The following TMCC3 variants were observed in gnomAD, a reference collection of about 807,000 sequenced individuals.
TMCC3 encodes transmembrane and coiled-coil domain protein 3.
Under a neutral mutation model 40.2 loss-of-function variants are expected in TMCC3, and 28 were observed. The observed-to-expected ratio is 0.70, with a 90% CI of 0.52 to 0.95. The LOEUF (loss-of-function observed/expected upper bound fraction) is 0.95. Among genes scored for constraint, TMCC3 ranks in the 40% least tolerant of loss-of-function variants. The pLI, the probability that TMCC3 is intolerant of heterozygous loss-of-function variation, is 0.00. For missense variants in TMCC3, 554 were observed against 615.2 expected (o/e 0.90, Z 1.05); for synonymous variants, 255 against 248.5 (o/e 1.03, Z -0.25).
intron 1 of TMCC3, among the ~76,000 whole-genome samples, chr12:94,588,043 G>A (rs1232615577): frequency 2.6e-5 from 4 of 152,144 alleles, no homozygotes; most frequent in East Asian, 1.9e-4. Context: ...GGAAAAGCCT[G>A]AGTCCCGGAC....
chr12:94,584,300 C>T (rs1269338415), intron 1 of TMCC3, among the ~76,000 whole-genome samples: 1 of 152,126 alleles, frequency 6.6e-6, no homozygotes, highest in Non-Finnish European at 1.5e-5. Context: ...CAGGCATCCT[C>T]CTGCTTTCGC....
chr12:94,597,737 G>A (rs1210752532), intron 1 of TMCC3, among the ~76,000 whole-genome samples: 1 of 151,800 alleles, frequency 6.6e-6, no homozygotes, highest in Admixed American at 6.6e-5. Context: ...AACCTGGGAG[G>A]CGGAGGTTGC....
chr12:94,620,078 G>A (rs866453312), intron 1 of TMCC3, among the ~76,000 whole-genome samples: 4 of 151,796 alleles, frequency 2.6e-5, no homozygotes, highest in African/African-American at 4.8e-5. Flanking sequence ...CAGAAGAATC[G>A]CTTGAACCCG....
chr12:94,633,068 T>C (rs1431910082), intron 1 of TMCC3, among the ~76,000 whole-genome samples: 1 of 152,006 alleles, frequency 6.6e-6, no homozygotes, highest in Non-Finnish European at 1.5e-5. Flanking sequence ...ATTGCACCAT[T>C]GCACTGCAGC....
At chr12:94,621,494 C>T (rs1451136964) in intron 1 of TMCC3, among the ~76,000 whole-genome samples, 4 of 152,152 alleles carry the variant, frequency 2.6e-5, no homozygotes. Flanking sequence ...CAGTATATCC[C>T]GAACACCAAA....
At chr12:94,625,176 G>T (rs1045493809) in intron 1 of TMCC3, among the ~76,000 whole-genome samples, 1 of 151,496 alleles carries the variant, frequency 6.6e-6, no homozygotes, top group African/African-American at 2.4e-5. Context: ...TTTTACAGAG[G>T]TTTGATTACC....
In TMCC3 at chr12:94,646,233, C is replaced by T. The variant is rs192068232; in HGVS notation, c.78+4120G>A. 8.7e-4 allele frequency among the ~76,000 whole-genome samples: 132 copies of T among 151,960 alleles called. 2 individuals are homozygous for T. Among genetic ancestry groups the T allele is most frequent in the African/African-American group, 2.9e-3 (120 of 41,434 alleles). On this transcript the variant is annotated intron_variant, in intron 1 of 3. Coordinates refer to ENST00000261226, the MANE Select transcript of TMCC3 (RefSeq NM_020698.4). Reference sequence around the variant, plus strand: ...TCCAGAGAAATGTCAGAGAAAGGTGCGGTGGTATTGCTAATAGGTTAGAGA... The same window carrying T: ...TCCAGAGAAATGTCAGAGAAAGGTGTGGTGGTATTGCTAATAGGTTAGAGA...
intron 2 of TMCC3, among the ~76,000 whole-genome samples, chr12:94,579,692 C>T (rs559787378): frequency 6.6e-6 from 1 of 152,276 alleles, no homozygotes; most frequent in African/African-American, 2.4e-5. Flanking sequence ...AGAGCTTCAT[C>T]CAGATTTAAT....
At chr12:94,639,453 G>A (rs1369211654) in intron 1 of TMCC3, among the ~76,000 whole-genome samples, 1 of 151,972 alleles carries the variant, frequency 6.6e-6, no homozygotes, top group Non-Finnish European at 1.5e-5. Flanking sequence ...CATGGTGGTG[G>A]GCACCTGTAG....
intron 1 of TMCC3, among the ~76,000 whole-genome samples, chr12:94,632,542 T>C (rs1482404863): frequency 6.6e-6 from 1 of 152,246 alleles, no homozygotes; most frequent in Non-Finnish European, 1.5e-5. Flanking sequence ...AAAAAATCAC[T>C]ACTGTAAGTA....
intron 1 of TMCC3, among the ~76,000 whole-genome samples, chr12:94,617,868 C>T (rs901087258): frequency 2.0e-5 from 3 of 152,196 alleles, no homozygotes; most frequent in Non-Finnish European, 4.4e-5. Context: ...TCTGTGAAAA[C>T]TCTACTGTAA....
intron 1 of TMCC3, among the ~76,000 whole-genome samples, chr12:94,599,531 A>G (rs149621410): frequency 1.5e-3 from 230 of 150,896 alleles, no homozygotes; most frequent in Non-Finnish European, 2.4e-3. Context: ...ATGAACCTGA[A>G]CAGGAAAGAT....
intron 1 of TMCC3, among the ~76,000 whole-genome samples, chr12:94,595,546 G>T (rs776379254): frequency 1.3e-4 from 20 of 152,212 alleles, no homozygotes; most frequent in Non-Finnish European, 2.8e-4. Context: ...TTCTCTGAGG[G>T]TGAGGGTTTC....
At chr12:94,585,172 T>C (rs866981093) in intron 1 of TMCC3, among the ~76,000 whole-genome samples, 1 of 152,114 alleles carries the variant, frequency 6.6e-6, no homozygotes, top group Non-Finnish European at 1.5e-5. Flanking sequence ...TGAAATAATA[T>C]AACCTGGCAC....
rs552409875 is a variant in TMCC3, at chr12:94,577,974, C to T, written c.1131+420G>A. 7.0e-3 allele frequency among the ~76,000 whole-genome samples: 1,052 copies of T among 151,240 alleles called. 17 individuals carry two copies. Among genetic ancestry groups the T allele is most frequent in the African/African-American group, 0.024 (1,004 of 41,168 alleles). ...CCAGCCTGGCCAACATGGTGAAACC[C>T]CGTCTCTACTAAAAATACAAAAAAA... On this transcript the variant is annotated intron_variant, in intron 3 of 3. Transcript: ENST00000261226.
chr12:94,589,376 T>C (rs1203406896), intron 1 of TMCC3, among the ~76,000 whole-genome samples: 3 of 152,022 alleles, frequency 2.0e-5, no homozygotes, highest in African/African-American at 7.2e-5. Flanking sequence ...TGGCTGTGAG[T>C]CAGTGAGGGG....
At chr12:94,621,057 A>G (rs1274711336) in intron 1 of TMCC3, among the ~76,000 whole-genome samples, 1 of 152,172 alleles carries the variant, frequency 6.6e-6, no homozygotes, top group African/African-American at 2.4e-5. Flanking sequence ...TCTTCTGTAT[A>G]TTTTTTAACA....
chr12:94,625,142 C>CA (rs35584074), intron 1 of TMCC3, among the ~76,000 whole-genome samples: 51,212 of 117,032 alleles, frequency 0.44, 10,789 homozygotes, highest in Non-Finnish European at 0.52. Flanking sequence ...AACTCCATCT[C>CA]AAAAAAAAAA....
chr12:94,581,862 C>T lies in TMCC3; in HGVS notation c.755G>A (p.Gly252Asp), dbSNP rs1451888005. Residue 252 changes from glycine to aspartate, a missense_variant, in exon 2 of 4, where the codon GGC becomes GAC. Gly to Asp is a moderately conservative substitution (Grantham distance 94). Coordinates refer to ENST00000261226, the MANE Select transcript of TMCC3 (RefSeq NM_020698.4). ...SATIVNKPKY[G>D]SDDECSSGTS... ...GCCACTCGAACATTCATCATCACTGCCATACTTGGGTTTGTTCACGATGGT... is the reference window on the plus strand; with the variant it reads ...GCCACTCGAACATTCATCATCACTGTCATACTTGGGTTTGTTCACGATGGT... 9 of 1,614,214 alleles carry T rather than the reference C, an allele frequency of 5.6e-6. No individual in the cohort carries two copies. The highest frequency in any genetic ancestry group is 6.8e-6 in the Non-Finnish European group (8 of 1,180,024).
Sources: gnomAD v4.1 joint callset for allele counts (sites outside exome capture counted in the v4.1 genomes callset) on GRCh38, gnomAD v4.1.1 for gene constraint, MANE v1.5 for transcripts, NCBI Gene and HGNC (gene_info 2026-07-23, HGNC 2026-07-21) for gene names.